Variants in ZNF787 observed in about 807,000 individuals in gnomAD.
ZNF787 encodes TTF-I-interacting peptide 20.
ZNF787 carries 7 observed loss-of-function variants against 16.9 expected under a neutral mutation model. That is an observed-to-expected ratio of 0.42 (90% CI 0.24 to 0.78). The LOEUF is 0.78. Ranked by LOEUF, ZNF787 falls within the 30% of genes least tolerant of loss-of-function variation. ZNF787 has a pLI of 0.30. For missense variants in ZNF787, 551 were observed against 589.3 expected, an observed-to-expected ratio of 0.94 and a Z score of 0.67; for synonymous variants, 345 against 270.9, an observed-to-expected ratio of 1.27 and a Z score of -2.69.
intron 2 of ZNF787, among the ~76,000 whole-genome samples, chr19:56,100,987 G>A (rs1986074791): frequency 7.3e-6 from 1 of 136,524 alleles, no homozygotes; most frequent in East Asian, 2.2e-4. Flanking sequence ...GACTCCACAC[G>A]CCATGGCCAG....
chr19:56,092,285 C>T (rs1332234947), intron 2 of ZNF787, among the ~76,000 whole-genome samples: 1 of 152,240 alleles, frequency 6.6e-6, no homozygotes, highest in Non-Finnish European at 1.5e-5. Context: ...TGGCCCTGGG[C>T]TAAATGTGTT....
intron 2 of ZNF787, among the ~76,000 whole-genome samples, chr19:56,098,543 TATG>T: frequency 2.9e-5 from 4 of 138,584 alleles, no homozygotes; most frequent in African/African-American, 9.2e-5. Flanking sequence ...ACCAGGGTGA[TATG>T]GCCGCCGGGT....
At chr19:56,089,168 C>T (rs1233047535) in intron 2 of ZNF787, 76 bp from the exon 3 acceptor site, 10 of 1,131,422 alleles carry the variant, frequency 8.8e-6, no homozygotes, top group Non-Finnish European at 1.1e-5. Flanking sequence ...GCTACGCTGG[C>T]CTCGGGTGCC....
At chr19:56,118,264 C>T (rs553083074) in intron 1 of ZNF787, among the ~76,000 whole-genome samples, 2 of 152,278 alleles carry the variant, frequency 1.3e-5, no homozygotes, top group East Asian at 1.9e-4. Context: ...ACTCAACTTC[C>T]GAGCCACTTG....
At chr19:56,109,180 G>A (rs1478019366) in intron 1 of ZNF787, among the ~76,000 whole-genome samples, 2 of 152,140 alleles carry the variant, frequency 1.3e-5, no homozygotes, top group Non-Finnish European at 2.9e-5. Flanking sequence ...CTGTATTAAG[G>A]GAAAAAGCCT....
intron 1 of ZNF787, among the ~76,000 whole-genome samples, chr19:56,115,897 C>G (rs1014010681): frequency 6.6e-6 from 1 of 152,080 alleles, no homozygotes; most frequent in African/African-American, 2.4e-5. Context: ...TTAGGGCAGC[C>G]GAGTAACTGA....
chr19:56,109,616 G>A (rs745745231), intron 1 of ZNF787, among the ~76,000 whole-genome samples: 7 of 152,158 alleles, frequency 4.6e-5, no homozygotes, highest in South Asian at 2.1e-4. Flanking sequence ...ATTTGTGGCC[G>A]TGCGCAGCGG....
chr19:56,095,624 T>C (rs1379905662), intron 2 of ZNF787, among the ~76,000 whole-genome samples: 1 of 152,186 alleles, frequency 6.6e-6, no homozygotes, highest in Non-Finnish European at 1.5e-5. Context: ...CCTTCCTCTG[T>C]TGCCAAGGAC....
chr19:56,100,113 G>A (rs1351054955), intron 2 of ZNF787, among the ~76,000 whole-genome samples: 2 of 152,172 alleles, frequency 1.3e-5, no homozygotes, highest in African/African-American at 4.8e-5. Flanking sequence ...CGGAAGTCAG[G>A]AGCTGAGGAA....
intron 1 of ZNF787, among the ~76,000 whole-genome samples, chr19:56,113,772 G>T (rs554931686): frequency 2.6e-5 from 4 of 152,278 alleles, no homozygotes; most frequent in Non-Finnish European, 4.4e-5. Context: ...TTCTAAAATC[G>T]ACTGTGGTGA....
rs564296512 is a variant in ZNF787 at position 56,088,380 on chromosome 19, T to C, written c.792A>G (p.Ala264=). 7.5e-5 allele frequency: 83 copies of C among 1,105,842 alleles called. 1 individual carries two copies. In the South Asian group the frequency reaches 2.0e-3, roughly 27 times the overall value. 68.5% of individuals were successfully genotyped at this position (1,105,842 alleles called of 1,614,324 possible). Residue 264 remains alanine, a synonymous_variant, in exon 3 of 3, where the codon GCA becomes GCG. Coordinates refer to ENST00000610935, the MANE Select transcript of ZNF787 (RefSeq NM_001002836.4). The surrounding 1 kb of genome is among the most constrained non-coding windows in gnomAD (Gnocchi z 8.6). ...AAAAAMAGAG[A]KAAGPRSRRA... is the part of the protein sequence containing the mutation. Reference sequence around the variant, plus strand: ...GCCGCGACCGGGGCCCCGCGGCCTTTGCCCCCGCGCCCGCCATGGCTGCCG... The same window carrying C: ...GCCGCGACCGGGGCCCCGCGGCCTTCGCCCCCGCGCCCGCCATGGCTGCCG...
At chr19:56,099,087 A>G (rs1233968169) in intron 2 of ZNF787, among the ~76,000 whole-genome samples, 1 of 152,160 alleles carries the variant, frequency 6.6e-6, no homozygotes, top group Non-Finnish European at 1.5e-5. Flanking sequence ...GCCCGAGAAC[A>G]TATCAAGTCC....
At chr19:56,097,367 T>G (rs1283961272) in intron 2 of ZNF787, among the ~76,000 whole-genome samples, 1 of 152,240 alleles carries the variant, frequency 6.6e-6, no homozygotes, top group African/African-American at 2.4e-5. Flanking sequence ...TCAATCTATC[T>G]AACCAGAAAG....
At chr19:56,120,638 G>A (rs1409204634) in intron 1 of ZNF787, among the ~76,000 whole-genome samples, 1 of 151,896 alleles carries the variant, frequency 6.6e-6, no homozygotes, top group Non-Finnish European at 1.5e-5. Context: ...GGAAGGAAGG[G>A]CTGGGGGGGC....
chr19:56,114,566 C>T lies in ZNF787; in HGVS notation c.-11+6606G>A, dbSNP rs537881023. On this transcript the variant is annotated intron_variant, in intron 1 of 2. Transcript: ENST00000610935. The stretch of plus-strand genomic sequence containing the variant: ...GGGGCCGGGCTCAGTCCTCCACCTG[C>T]CTGGCTCAGTCTCACCTTTCAAGGG... 3.1e-4 allele frequency among the ~76,000 whole-genome samples: 47 copies of T among 152,268 alleles called. No individual in the cohort carries two copies. The South Asian group carries it at 6.8e-3, about 22-fold the overall frequency.
rs544081454 is a variant in ZNF787, at chr19:56,088,486, GCCGCCA to G, written c.680_685del (p.Val227_Ala228del). On this transcript the variant is annotated inframe_deletion, in exon 3 of 3. Transcript: ENST00000610935. This position sits in a 1 kb window ranked among gnomAD's most constrained non-coding sequence, Gnocchi z 8.6. ...CACGGGGATGGCGATCTCGCCGTCC[GCCGCCA>G]CCGCCTCTTCGGGCCCCTTGGCCCG... 1.0e-4 allele frequency: 137 copies of G among 1,350,454 alleles called. No homozygotes were observed. In the African/African-American group the frequency reaches 1.7e-3, roughly 17 times the overall value. 83.7% of individuals were successfully genotyped at this position (1,350,454 alleles called of 1,614,324 possible).
chr19:56,087,843 G>A lies in ZNF787; in HGVS notation c.*180C>T, dbSNP rs1276124651. The A allele has an allele frequency of 9.0e-6, 9 of 1,001,254 alleles. No individual in the cohort carries two copies. The highest frequency in any genetic ancestry group is 1.7e-5 in the African/African-American group (1 of 58,626). 62.0% of individuals were successfully genotyped at this position (1,001,254 alleles called of 1,614,324 possible). On this transcript the variant is annotated 3_prime_UTR_variant, in exon 3 of 3. Transcript: ENST00000610935. Reference sequence around the variant, plus strand: ...AGTCTCGAGGCGGAGAAGTGAACGGGCCCTAATACGCCCCAGTGCCCCCCC... The same window carrying A: ...AGTCTCGAGGCGGAGAAGTGAACGGACCCTAATACGCCCCAGTGCCCCCCC...
In ZNF787 at chr19:56,088,993, G is replaced by T; in HGVS notation, c.179C>A (p.Pro60Gln). ...GCAGATGTAGGGGGCGGGCGGCCGC[G>T]GCCGGGGAGGCGGGCCGGCTGGGGG... ...SAPPAGPPPR[P>Q]RPPAPYICNE... Residue 60 changes from proline (P) to glutamine (Q), a missense_variant, in exon 3 of 3, where the codon CCG becomes CAG. By Grantham distance (76) the Pro-to-Gln change is moderately conservative (BLOSUM62 -1). Around this residue, in one of 4 missense-constraint regions of ZNF787, gnomAD observed 80 missense variants for 105.9 expected, o/e 0.76. Coordinates refer to ENST00000610935, the MANE Select transcript of ZNF787 (RefSeq NM_001002836.4). This position sits in a 1 kb window ranked among gnomAD's most constrained non-coding sequence, Gnocchi z 8.6. The T allele has an allele frequency of 6.7e-7, 1 of 1,496,682 alleles. No individual in the cohort carries two copies. Among genetic ancestry groups the T allele is most frequent in the Non-Finnish European group, 8.9e-7 (1 of 1,125,516 alleles). 92.7% of individuals were successfully genotyped at this position (1,496,682 alleles called of 1,614,324 possible). A position where few individuals can be genotyped will look rare whatever the true frequency, so the allele number is the denominator to read the frequency against.
At chr19:56,119,249 G>A (rs1368036074) in intron 1 of ZNF787, among the ~76,000 whole-genome samples, 2 of 152,220 alleles carry the variant, frequency 1.3e-5, no homozygotes, top group Non-Finnish European at 2.9e-5. Context: ...GTGACCTCAT[G>A]CCCAGCACAG....
Sources: allele counts gnomAD v4.1 joint callset (sites outside exome capture counted in the v4.1 genomes callset), GRCh38; gene constraint gnomAD v4.1.1; regional missense constraint gnomAD v4.1.1; non-coding constraint Gnocchi (gnomAD v3.1); transcripts MANE v1.5; gene names NCBI Gene and HGNC (gene_info 2026-07-23, HGNC 2026-07-21).